GRM7: variants seen among roughly 807,000 people sequenced by gnomAD.
GRM7 encodes glutamate metabotropic receptor 7.
In GRM7, 35 loss-of-function variants were observed where a neutral mutation model predicts 84.5. The observed-to-expected ratio is 0.41, with a 90% CI of 0.32 to 0.55. GRM7 has a LOEUF of 0.55. Among genes scored for constraint, GRM7 ranks in the 20% least tolerant of loss-of-function variants. The pLI, the probability that GRM7 is intolerant of heterozygous loss-of-function variation, is 0.19. For missense variants in GRM7, 1,003 were observed against 1,194.6 expected (o/e 0.84, Z 2.36); for synonymous variants, 487 against 455.1 (o/e 1.07, Z -0.89).
At chr3:6,925,303 C>A (rs938133911) in intron 1 of GRM7, among the ~76,000 whole-genome samples, 5 of 152,136 alleles carry the variant, frequency 3.3e-5, no homozygotes, top group Non-Finnish European at 7.4e-5. Context: ...CCTCAATAAG[C>A]ATTTGTTGAA....
chr3:7,664,255 T>C (rs898315419), intron 8 of GRM7, among the ~76,000 whole-genome samples: 1 of 152,048 alleles, frequency 6.6e-6, no homozygotes, highest in Admixed American at 6.5e-5. Context: ...GTCTTTTCAT[T>C]TGAGGCCACC....
chr3:7,462,871 G>A (rs549400979), intron 7 of GRM7, among the ~76,000 whole-genome samples: 33 of 152,210 alleles, frequency 2.2e-4, no homozygotes, highest in Middle Eastern at 6.8e-3. Context: ...ACCGTCCATG[G>A]CTTATATAAA....
chr3:7,698,417 T>C (rs1411059487), intron 9 of GRM7, among the ~76,000 whole-genome samples: 3 of 152,206 alleles, frequency 2.0e-5, no homozygotes, highest in Non-Finnish European at 4.4e-5. Flanking sequence ...TTAGGCTCCT[T>C]TTACAGATAA....
intron 1 of GRM7, among the ~76,000 whole-genome samples, chr3:6,872,701 A>G (rs895041676): frequency 2.9e-4 from 44 of 151,930 alleles, no homozygotes; most frequent in African/African-American, 1.0e-3. Flanking sequence ...CTTATGAGTG[A>G]GAACATGTGG....
intron 1 of GRM7, chr3:6,884,377 C>T (rs1695617303): frequency 6.6e-6 from 1 of 152,574 alleles, no homozygotes; most frequent in Non-Finnish European, 1.5e-5. Context: ...GCCTATTTAT[C>T]ATTTCTAAAA....
chr3:7,724,045 T>C (rs1702039280), intron 9 of GRM7, among the ~76,000 whole-genome samples: 1 of 151,982 alleles, frequency 6.6e-6, no homozygotes. Flanking sequence ...AGAAAGCACG[T>C]CCACAGAGAA....
chr3:7,355,869 G>C (rs916868037), intron 4 of GRM7, among the ~76,000 whole-genome samples: 8 of 152,226 alleles, frequency 5.3e-5, no homozygotes, highest in East Asian at 1.9e-4. Flanking sequence ...TGGTTTCATG[G>C]GGAGGTTCCT....
chr3:7,578,472 G>A lies in GRM7; in HGVS notation c.1566G>A (p.Val522=), dbSNP rs966904279. Residue 522 remains valine (V), a synonymous_variant, in exon 8 of 10, where the codon GTG becomes GTA. Coordinates refer to ENST00000357716, the MANE Select transcript of GRM7 (RefSeq NM_000844.4). ...GAGTCCGAGAGATACCCGCCTCAGT[G>A]TGCACACTACCATGTAAGCCAGGAC... ...GKGVREIPAS[V]CTLPCKPGQR... 12 of 1,613,778 alleles carry A rather than the reference G, an allele frequency of 7.4e-6. No homozygotes were observed. The Admixed American group carries it at 8.3e-5, about 11-fold the overall frequency.
chr3:7,669,993 G>GT (rs536203527), intron 8 of GRM7, among the ~76,000 whole-genome samples: 56 of 152,092 alleles, frequency 3.7e-4, no homozygotes, highest in Non-Finnish European at 6.5e-4. Context: ...GTAATGAGGG[G>GT]TTTTGAGTGC....
chr3:7,288,919 C>G (rs1481294878), intron 2 of GRM7, among the ~76,000 whole-genome samples: 1 of 152,104 alleles, frequency 6.6e-6, no homozygotes, highest in Non-Finnish European at 1.5e-5. Context: ...TGGATGGATC[C>G]CACATGGACA....
At chr3:7,400,726 T>C (rs955933984) in intron 4 of GRM7, among the ~76,000 whole-genome samples, 2 of 152,160 alleles carry the variant, frequency 1.3e-5, no homozygotes, top group African/African-American at 4.8e-5. Flanking sequence ...TCATAGGCTA[T>C]CTTTGAGTTT....
chr3:7,296,478 T>C (rs1341901074), intron 2 of GRM7, among the ~76,000 whole-genome samples: 9 of 146,748 alleles, frequency 6.1e-5, no homozygotes, highest in African/African-American at 2.3e-4. Flanking sequence ...CATTCACTGA[T>C]AGAATTCATC....
chr3:7,364,005 G>A (rs1442572884), intron 4 of GRM7, among the ~76,000 whole-genome samples: 1 of 151,806 alleles, frequency 6.6e-6, no homozygotes, highest in Non-Finnish European at 1.5e-5. Context: ...TTAAGAGTTG[G>A]GTGCTATGTA....
At chr3:6,903,706 G>A (rs1405103187) in intron 1 of GRM7, among the ~76,000 whole-genome samples, 3 of 152,078 alleles carry the variant, frequency 2.0e-5, no homozygotes, top group African/African-American at 4.8e-5. Flanking sequence ...TTTAATTCAC[G>A]AATTATTCCC....
At chr3:7,342,130 C>T (rs1692668552) in intron 4 of GRM7, among the ~76,000 whole-genome samples, 1 of 152,112 alleles carries the variant, frequency 6.6e-6, no homozygotes, top group Non-Finnish European at 1.5e-5. Context: ...AGGTCTGTGC[C>T]TCACTTTCTT....
chr3:7,325,198 A>C (rs953549606), intron 4 of GRM7, among the ~76,000 whole-genome samples: 1 of 152,166 alleles, frequency 6.6e-6, no homozygotes, highest in Non-Finnish European at 1.5e-5. Flanking sequence ...GAAAGTTCTC[A>C]AATATATTTA....
intron 7 of GRM7, among the ~76,000 whole-genome samples, chr3:7,547,246 G>A (rs542154763): frequency 2.8e-4 from 34 of 119,784 alleles, no homozygotes; most frequent in Non-Finnish European, 4.8e-4. Flanking sequence ...TCACTCTGTC[G>A]CCCAGGCTGG....
In GRM7 at chr3:7,469,595, G is replaced by A. The variant is rs187180362; in HGVS notation, c.1515+7873G>A. Among the ~76,000 whole-genome samples the A allele has an allele frequency of 4.7e-4, 72 of 152,160 alleles. 3 individuals carry two copies. In the East Asian group the frequency reaches 9.3e-3, roughly 20 times the overall value. ...GCCACCTACTTCTCTACACTTTAAT[G>A]CTACATTACAGGAAGCATCAAAACA... On this transcript the variant is annotated intron_variant, in intron 7 of 9. Transcript: ENST00000357716.
intron 8 of GRM7, among the ~76,000 whole-genome samples, chr3:7,631,439 G>C (rs983691022): frequency 2.0e-5 from 3 of 152,056 alleles, no homozygotes; most frequent in Non-Finnish European, 2.9e-5. Flanking sequence ...GAGATGTTAA[G>C]GACGTTACTT....
Sources: gnomAD v4.1 joint callset for allele counts (sites outside exome capture counted in the v4.1 genomes callset) on GRCh38, gnomAD v4.1.1 for gene constraint, MANE v1.5 for transcripts, NCBI Gene and HGNC (gene_info 2026-07-23, HGNC 2026-07-21) for gene names.